Variants in CDKAL1 observed in about 807,000 individuals in gnomAD.
CDKAL1 encodes threonylcarbamoyladenosine tRNA methylthiotransferase.
CDKAL1 carries 32 observed loss-of-function variants against 68.2 expected under a neutral mutation model. The observed-to-expected ratio is 0.47, with a 90% CI of 0.35 to 0.63. The LOEUF is 0.63. Ranked by LOEUF, CDKAL1 falls within the 30% of genes least tolerant of loss-of-function variation. The pLI, the probability that CDKAL1 is intolerant of heterozygous loss-of-function variation, is 0.00. For synonymous variants in CDKAL1, 234 were observed against 244.3 expected, an observed-to-expected ratio of 0.96 and a Z score of 0.39; for missense variants, 606 against 696.7, an observed-to-expected ratio of 0.87 and a Z score of 1.47.
chr6:20,816,359 A>G (rs969740686), intron 8 of CDKAL1, among the ~76,000 whole-genome samples: 8 of 152,138 alleles, frequency 5.3e-5, no homozygotes, highest in African/African-American at 1.9e-4. Context: ...TTTCATTTCT[A>G]TCAGTGAATT....
At chr6:20,810,627 G>GGTGTGTGTGTGTGTGT (rs57000695) in intron 8 of CDKAL1, among the ~76,000 whole-genome samples, 1 of 134,672 alleles carries the variant, frequency 7.4e-6, no homozygotes, top group African/African-American at 2.8e-5. Flanking sequence ...TGTATGTATG[G>GGTGTGTGTGTGTGTGT]GTGTGTGTGT....
At chr6:20,766,965 TAATG>T in intron 7 of CDKAL1, among the ~76,000 whole-genome samples, 1 of 152,168 alleles carries the variant, frequency 6.6e-6, no homozygotes, top group East Asian at 1.9e-4. Context: ...AATGTTCACT[TAATG>T]TATGTATTTT....
chr6:21,072,676 CT>C (rs66763305), intron 12 of CDKAL1, among the ~76,000 whole-genome samples: 3,646 of 131,136 alleles, frequency 0.028, 123 homozygotes, highest in East Asian at 0.19. Flanking sequence ...AATAGAGTAT[CT>C]TTTTTTTTTT....
At chr6:21,165,506 A>G (rs1777114673) in intron 13 of CDKAL1, among the ~76,000 whole-genome samples, 1 of 152,246 alleles carries the variant, frequency 6.6e-6, no homozygotes, top group Non-Finnish European at 1.5e-5. Context: ...AAAAATCTTT[A>G]TAATTATCCA....
intron 13 of CDKAL1, among the ~76,000 whole-genome samples, chr6:21,180,348 T>TA (rs200325415): frequency 0.027 from 4,056 of 151,632 alleles, 173 homozygotes; most frequent in African/African-American, 0.089. Flanking sequence ...AAGTTTCTTT[T>TA]TTTTTTTTTT....
intron 4 of CDKAL1, among the ~76,000 whole-genome samples, chr6:20,637,265 G>A (rs1178398275): frequency 1.3e-5 from 2 of 151,636 alleles, no homozygotes; most frequent in Non-Finnish European, 2.9e-5. Flanking sequence ...TGAAGGGGGA[G>A]TAAACAAATG....
At chr6:20,867,439 T>A (rs964336316) in intron 9 of CDKAL1, among the ~76,000 whole-genome samples, 1 of 152,250 alleles carries the variant, frequency 6.6e-6, no homozygotes, top group Non-Finnish European at 1.5e-5. Flanking sequence ...TGAGTCATTT[T>A]GTGAATGTTC....
intron 8 of CDKAL1, among the ~76,000 whole-genome samples, chr6:20,832,485 A>C (rs1027759460): frequency 7.9e-5 from 12 of 151,934 alleles, no homozygotes; most frequent in East Asian, 5.8e-4. Flanking sequence ...AAAAAAAAAA[A>C]AACAAAACAC....
At chr6:21,076,826 G>T (rs1297542690) in intron 12 of CDKAL1, among the ~76,000 whole-genome samples, 1 of 151,960 alleles carries the variant, frequency 6.6e-6, no homozygotes, top group Non-Finnish European at 1.5e-5. Context: ...TTGATCTTTT[G>T]AAGTCCTTTC....
intron 4 of CDKAL1, among the ~76,000 whole-genome samples, chr6:20,643,758 A>G (rs112048943): frequency 3.3e-5 from 5 of 152,236 alleles, no homozygotes; most frequent in Non-Finnish European, 7.3e-5. Context: ...TTTGTTAACA[A>G]TATTAACATT....
intron 8 of CDKAL1, among the ~76,000 whole-genome samples, chr6:20,837,174 C>G (rs1373469696): frequency 6.6e-6 from 1 of 152,172 alleles, no homozygotes; most frequent in African/African-American, 2.4e-5. Context: ...ATCTCTCTTC[C>G]TTATGTGATT....
chr6:20,579,396 C>T (rs142814855), intron 4 of CDKAL1, among the ~76,000 whole-genome samples: 184 of 152,250 alleles, frequency 1.2e-3, no homozygotes, highest in African/African-American at 3.9e-3. Flanking sequence ...CTCAAAGATG[C>T]TTGTAATCAG....
chr6:21,169,713 G>A (rs1777296190), intron 13 of CDKAL1, among the ~76,000 whole-genome samples: 1 of 152,170 alleles, frequency 6.6e-6, no homozygotes, highest in African/African-American at 2.4e-5. Context: ...ACATACCCAG[G>A]ACCGGGTAAT....
intron 4 of CDKAL1, among the ~76,000 whole-genome samples, chr6:20,557,320 G>A (rs1199911505): frequency 6.6e-6 from 1 of 151,984 alleles, no homozygotes; most frequent in East Asian, 1.9e-4. Flanking sequence ...TATAGTGCAA[G>A]TAAATTGTAG....
intron 8 of CDKAL1, among the ~76,000 whole-genome samples, chr6:20,825,188 T>G (rs1777453259): frequency 6.6e-6 from 1 of 152,160 alleles, no homozygotes; most frequent in South Asian, 2.1e-4. Context: ...CTTTGTTCCT[T>G]TCCATTCTTC....
rs936402257 is a variant in CDKAL1 at position 20,896,891 on chromosome 6, A to G, written c.742+50713A>G. 3.6e-4 allele frequency among the ~76,000 whole-genome samples: 55 copies of G among 152,214 alleles called. 1 individual carries two copies. ...GAACTCTGTTATGTACAATTCAATC[A>G]GATGAAAGTGTTCTTGGGTTCGGAG... On this transcript the variant is annotated intron_variant, in intron 9 of 15. Transcript: ENST00000274695.
At chr6:21,184,735 T>C (rs1312600048) in intron 13 of CDKAL1, among the ~76,000 whole-genome samples, 1 of 152,054 alleles carries the variant, frequency 6.6e-6, no homozygotes, top group Non-Finnish European at 1.5e-5. Flanking sequence ...ACTGGTGCCT[T>C]GACCTCCTGG....
intron 13 of CDKAL1, among the ~76,000 whole-genome samples, chr6:21,109,827 C>A (rs565307700): frequency 1.4e-4 from 21 of 152,122 alleles, no homozygotes; most frequent in Non-Finnish European, 2.4e-4. Context: ...ACAACAACAA[C>A]AAAAAAGGCG....
In CDKAL1 at chr6:20,896,098, C is replaced by CTTTTTTTTTTTTTTTTTTTTT. The variant is rs1291895133; in HGVS notation, c.742+49924_742+49925insTTTTTTTTTTTTTTTTTTTTT. 1.3e-4 allele frequency among the ~76,000 whole-genome samples: 14 copies of CTTTTTTTTTTTTTTTTTTTTT among 104,126 alleles called. 1 individual carries two copies. The highest frequency in any genetic ancestry group is 1.9e-4 in the Non-Finnish European group (10 of 53,828). The allele number at this position is 104,126 out of a possible 152,430, so 68.3% of individuals were successfully genotyped here. ...TTTTTTCTTTTTTTTCTTTTCTTTT[C>CTTTTTTTTTTTTTTTTTTTTT]TTTTCTTTTTTTTTTTTTTTTGAGA... On this transcript the variant is annotated intron_variant, in intron 9 of 15. Transcript: ENST00000274695.
Sources: allele counts gnomAD v4.1 joint callset (sites outside exome capture counted in the v4.1 genomes callset), GRCh38; gene constraint gnomAD v4.1.1; transcripts MANE v1.5; gene names NCBI Gene and HGNC (gene_info 2026-07-23, HGNC 2026-07-21).